The following SGCZ variants were observed in gnomAD, a reference collection of about 807,000 sequenced individuals.
SGCZ encodes zeta-sarcoglycan.
A neutral mutation model predicts 41.3 loss-of-function variants in SGCZ; 40 were observed. The observed-to-expected ratio is 0.97, with a 90% CI of 0.75 to 1.26. The LOEUF (loss-of-function observed/expected upper bound fraction) is 1.26. Among genes scored for constraint, SGCZ ranks in the 50% most tolerant of loss-of-function variants. The pLI, the probability that SGCZ is intolerant of heterozygous loss-of-function variation, is 0.00. For synonymous variants in SGCZ, 206 were observed against 137.5 expected (o/e 1.50, Z -3.49); for missense variants, 552 against 369.8 (o/e 1.49, Z -4.04).
intron 2 of SGCZ, among the ~76,000 whole-genome samples, chr8:14,331,902 C>T (rs1477418788): frequency 1.3e-5 from 2 of 151,540 alleles, no homozygotes; most frequent in Admixed American, 6.6e-5. Flanking sequence ...ACTGATAATA[C>T]AGGAAATATG....
chr8:14,698,437 T>A (rs1809033708), intron 1 of SGCZ, among the ~76,000 whole-genome samples: 1 of 151,802 alleles, frequency 6.6e-6, no homozygotes, highest in Non-Finnish European at 1.5e-5. Flanking sequence ...AAATGGGTAA[T>A]GAAAAAATAC....
intron 4 of SGCZ, among the ~76,000 whole-genome samples, chr8:14,235,754 G>T (rs529396191): frequency 6.6e-6 from 1 of 151,970 alleles, no homozygotes; most frequent in Non-Finnish European, 1.5e-5. Context: ...GCCCAATCTC[G>T]GCTCACTGCA....
chr8:14,142,158 G>A (rs1324208050), intron 5 of SGCZ, among the ~76,000 whole-genome samples: 1 of 152,004 alleles, frequency 6.6e-6, no homozygotes, highest in Non-Finnish European at 1.5e-5. Flanking sequence ...CACACACCAG[G>A]GCCTGTCGAG....
At chr8:14,424,773 T>C (rs1028702993) in intron 2 of SGCZ, among the ~76,000 whole-genome samples, 8 of 152,196 alleles carry the variant, frequency 5.3e-5, no homozygotes, top group African/African-American at 1.9e-4. Context: ...TGAAAGACAA[T>C]AAGCTTTTCA....
At chr8:14,989,314 G>A (rs1418916807) in intron 1 of SGCZ, among the ~76,000 whole-genome samples, 3 of 152,038 alleles carry the variant, frequency 2.0e-5, no homozygotes, top group Non-Finnish European at 4.4e-5. Flanking sequence ...CCCCAACAAC[G>A]TACCAGAAAG....
At chr8:14,375,964 T>G (rs573881805) in intron 2 of SGCZ, among the ~76,000 whole-genome samples, 1 of 152,122 alleles carries the variant, frequency 6.6e-6, no homozygotes, top group African/African-American at 2.4e-5. Flanking sequence ...AAACTATAAC[T>G]TAATGTATTC....
chr8:14,398,774 T>C (rs968571309), intron 2 of SGCZ, among the ~76,000 whole-genome samples: 1 of 152,124 alleles, frequency 6.6e-6, no homozygotes, highest in African/African-American at 2.4e-5. Context: ...ATGTCCAGCA[T>C]TGATGTTTTA....
At chr8:14,743,306 T>C (rs1407143812) in intron 1 of SGCZ, among the ~76,000 whole-genome samples, 1 of 152,040 alleles carries the variant, frequency 6.6e-6, no homozygotes, top group Non-Finnish European at 1.5e-5. Context: ...ATATTTTACC[T>C]TTATTACTGA....
chr8:15,011,171 G>A (rs75193110), intron 1 of SGCZ, among the ~76,000 whole-genome samples: 2,936 of 152,200 alleles, frequency 0.019, 90 homozygotes, highest in African/African-American at 0.066. Context: ...TTGCTTAAAT[G>A]TTTAGAAAAT....
intron 1 of SGCZ, among the ~76,000 whole-genome samples, chr8:15,096,910 C>A (rs992502051): frequency 6.6e-5 from 10 of 152,004 alleles, no homozygotes; most frequent in Admixed American, 5.2e-4. Flanking sequence ...TAGTCTTGAT[C>A]TTCTGACCTC....
chr8:14,190,708 T>C (rs1482044102), intron 4 of SGCZ, among the ~76,000 whole-genome samples: 1 of 152,034 alleles, frequency 6.6e-6, no homozygotes, highest in Non-Finnish European at 1.5e-5. Flanking sequence ...GTTCACACCA[T>C]TCTCCTGCCT....
At position 14,689,783 on chromosome 8, in the gene SGCZ, C is replaced by A. The variant is rs540097565; in HGVS notation, c.40-134857G>T. ...AGGCAGTGGATATCTATTAATACAACAGACGCATAATTAAAGAGAATCCCC... is the reference window on the plus strand; with the variant it reads ...AGGCAGTGGATATCTATTAATACAAAAGACGCATAATTAAAGAGAATCCCC... On this transcript the variant is annotated intron_variant, in intron 1 of 7. Coordinates refer to ENST00000382080, the MANE Select transcript of SGCZ (RefSeq NM_139167.4). Among the ~76,000 whole-genome samples, 12 of 152,256 alleles carry A rather than the reference C, an allele frequency of 7.9e-5. 1 individual carries two copies. In the South Asian group the frequency reaches 2.5e-3, roughly 32 times the overall value.
intron 1 of SGCZ, among the ~76,000 whole-genome samples, chr8:15,172,154 G>GTTTTTTTTTTTTTTTTTT (rs1183210302): frequency 4.2e-5 from 3 of 71,766 alleles, no homozygotes; most frequent in African/African-American, 1.5e-4. Flanking sequence ...TTTATACTCT[G>GTTTTTTTTTTTTTTTTTT]TTTTTTTTTT....
intron 1 of SGCZ, among the ~76,000 whole-genome samples, chr8:14,927,019 A>G (rs914764096): frequency 4.6e-5 from 7 of 151,918 alleles, no homozygotes; most frequent in African/African-American, 1.7e-4. Context: ...TGGACACAGT[A>G]TATAGTCTTT....
intron 7 of SGCZ, among the ~76,000 whole-genome samples, chr8:14,101,455 A>C (rs1008074870): frequency 6.6e-6 from 1 of 152,228 alleles, no homozygotes; most frequent in Non-Finnish European, 1.5e-5. Context: ...GTGATTCTGC[A>C]GATAACAATA....
intron 1 of SGCZ, among the ~76,000 whole-genome samples, chr8:15,104,124 C>T (rs1389347608): frequency 6.6e-6 from 1 of 150,818 alleles, no homozygotes; most frequent in Non-Finnish European, 1.5e-5. Context: ...TTAGGAAATT[C>T]TCAGGGATCA....
chr8:14,683,052 A>T (rs1342559626), intron 1 of SGCZ, among the ~76,000 whole-genome samples: 3 of 152,144 alleles, frequency 2.0e-5, no homozygotes, highest in Non-Finnish European at 4.4e-5. Flanking sequence ...ATAAGGTACA[A>T]AATAAGCAAC....
chr8:14,434,754 T>C (rs1800040500), intron 2 of SGCZ, among the ~76,000 whole-genome samples: 1 of 152,186 alleles, frequency 6.6e-6, no homozygotes, highest in Admixed American at 6.5e-5. Context: ...AGTTGAGTTC[T>C]TGATTCTCAG....
intron 1 of SGCZ, among the ~76,000 whole-genome samples, chr8:15,055,828 T>G (rs1221375924): frequency 1.3e-5 from 2 of 152,232 alleles, no homozygotes; most frequent in Non-Finnish European, 2.9e-5. Context: ...GAACCCAGCC[T>G]GATAACTTGG....
Sources: gnomAD v4.1 joint callset for allele counts (sites outside exome capture counted in the v4.1 genomes callset) on GRCh38, gnomAD v4.1.1 for gene constraint, MANE v1.5 for transcripts, NCBI Gene and HGNC (gene_info 2026-07-23, HGNC 2026-07-21) for gene names.